Variants in DSG3 observed in about 807,000 individuals in gnomAD.
The protein encoded by DSG3 is desmoglein-3.
A neutral mutation model predicts 85.9 loss-of-function variants in DSG3; 63 were observed. The ratio of observed to expected loss-of-function variants is 0.73; its 90% CI spans 0.60 to 0.90. DSG3 has a LOEUF of 0.90. Among genes scored for constraint, DSG3 ranks in the 40% least tolerant of loss-of-function variants. The probability of loss-of-function intolerance (pLI) is 0.00; values close to 1 mark genes in which losing one functional copy is unlikely to be tolerated. For missense variants in DSG3, 1,220 were observed against 1,219.9 expected (o/e 1.00, Z 0.00); for synonymous variants, 447 against 441.9 (o/e 1.01, Z -0.14).
chr18:31,456,066 G>T (rs2072740118), intron 1 of DSG3, among the ~76,000 whole-genome samples: 1 of 152,176 alleles, frequency 6.6e-6, no homozygotes, highest in Non-Finnish European at 1.5e-5. Flanking sequence ...TCACAATGGT[G>T]CTTACCAATG....
intron 1 of DSG3, among the ~76,000 whole-genome samples, chr18:31,452,517 CAAAAA>C (rs35886860): frequency 5.6e-4 from 29 of 51,834 alleles, no homozygotes; most frequent in African/African-American, 1.5e-3. Flanking sequence ...GACTCCGTCT[CAAAAA>C]AAAAAAAAAA....
chr18:31,458,546 T>C lies in DSG3; in HGVS notation c.318T>C (p.Thr106=), dbSNP rs755023850. The C allele has an allele frequency of 6.2e-7, 1 of 1,614,040 alleles. No homozygotes were observed. Among genetic ancestry groups the C allele is most frequent in the East Asian group, 2.2e-5 (1 of 44,880 alleles). ...GAATCTTTGTTGTTGACAAAAACACTGGAGATATTAACATAACAGCTATAG... is the reference window on the plus strand; with the variant it reads ...GAATCTTTGTTGTTGACAAAAACACCGGAGATATTAACATAACAGCTATAG... ...PFGIFVVDKN[T]GDINITAIVD... Residue 106 remains threonine, a synonymous_variant, in exon 4 of 16, where the codon ACT becomes ACC. Transcript: ENST00000257189.
chr18:31,460,590 C>T (rs887287589), intron 6 of DSG3, among the ~76,000 whole-genome samples: 2 of 152,114 alleles, frequency 1.3e-5, no homozygotes, highest in African/African-American at 2.4e-5. Flanking sequence ...TTATTACTCC[C>T]ACCCTACTCA....
At chr18:31,471,136 G>C (rs1470731051) in intron 12 of DSG3, among the ~76,000 whole-genome samples, 2 of 152,154 alleles carry the variant, frequency 1.3e-5, no homozygotes, top group Non-Finnish European at 2.9e-5. Flanking sequence ...GTCAGATTTC[G>C]AGCTGTGACA....
At position 31,461,336 on chromosome 18, in the gene DSG3, C is replaced by A; in HGVS notation, c.923C>A (p.Thr308Asn). 1 of 1,613,494 alleles carries A rather than the reference C, an allele frequency of 6.2e-7. No homozygotes were observed. Among genetic ancestry groups the A allele is most frequent in the Non-Finnish European group, 8.5e-7 (1 of 1,179,710 alleles). ...AATTGGCTTGCAGTATATTTCTTTA[C>A]CTCTGGGAATGAAGGAAATTGGTTT... ...TDNWLAVYFF[T>N]SGNEGNWFEI... is the part of the protein sequence containing the mutation. Residue 308 changes from threonine to asparagine, a missense_variant, in exon 8 of 16, where the codon ACC becomes AAC. By Grantham distance (65) the Thr-to-Asn change is moderately conservative. Transcript: ENST00000257189.
At chr18:31,456,505 A>G in intron 2 of DSG3, 30 bp downstream of exon 2, 1 of 1,252,446 alleles carries the variant, frequency 8.0e-7, no homozygotes, top group Middle Eastern at 2.1e-4. Context: ...TTTGTACTTA[A>G]AATAATAGTT....
intron 14 of DSG3, 36 bp from the exon 15 acceptor site, chr18:31,474,085 C>A: frequency 6.3e-7 from 1 of 1,586,524 alleles, no homozygotes; most frequent in Non-Finnish European, 8.6e-7. Context: ...CAAACAACAG[C>A]ATAAGATATT....
Position 31,447,745 on chromosome 18 carries a change from C to T in DSG3, c.-133C>T. The T allele has an allele frequency of 1.7e-6, 1 of 605,776 alleles. No homozygotes were observed. The highest frequency in any genetic ancestry group is 3.3e-5 in the East Asian group (1 of 30,690). The allele number at this position is 605,776 out of a possible 1,614,324, so 37.5% of individuals were successfully genotyped here. Reference sequence around the variant, plus strand: ...TTTAGGGTGGGGAGGGACCGCATAACAGACCATCTGTAGACTCCTTCGGAA... The same window carrying T: ...TTTAGGGTGGGGAGGGACCGCATAATAGACCATCTGTAGACTCCTTCGGAA... On this transcript the variant is annotated 5_prime_UTR_variant, in exon 1 of 16. Coordinates refer to ENST00000257189, the MANE Select transcript of DSG3 (RefSeq NM_001944.3).
intron 4 of DSG3, 33 bp downstream of exon 4, chr18:31,458,633 TCTC>T: frequency 3.1e-6 from 5 of 1,597,368 alleles, no homozygotes; most frequent in Non-Finnish European, 4.3e-6. Flanking sequence ...GGGCTACCCT[TCTC>T]CTTGTATACC....
chr18:31,459,364 T>A (rs2072769437), intron 5 of DSG3, among the ~76,000 whole-genome samples, 187 bp downstream of exon 5: 1 of 152,248 alleles, frequency 6.6e-6, no homozygotes, highest in South Asian at 2.1e-4. Flanking sequence ...TTATTTACTA[T>A]CACTGTATTT....
At chr18:31,464,957 A>G (rs1483402234) in intron 9 of DSG3, among the ~76,000 whole-genome samples, 1 of 151,376 alleles carries the variant, frequency 6.6e-6, no homozygotes, top group Non-Finnish European at 1.5e-5. Flanking sequence ...ACCAACATGA[A>G]GAAACCCCAT....
At chr18:31,459,298 T>C (rs547509577) in intron 5 of DSG3, 121 bp downstream of exon 5, 8 of 955,284 alleles carry the variant, frequency 8.4e-6, no homozygotes, top group South Asian at 1.8e-5. Flanking sequence ...TTTTGAAAAA[T>C]AAAATTCATT....
chr18:31,451,703 T>C (rs1315410882), intron 1 of DSG3, among the ~76,000 whole-genome samples: 3 of 152,218 alleles, frequency 2.0e-5, no homozygotes, highest in Admixed American at 2.0e-4. Flanking sequence ...CCTTGCCAAA[T>C]GGTTCTTCCA....
chr18:31,470,131 G>T (rs1322292726), intron 12 of DSG3, among the ~76,000 whole-genome samples: 1 of 152,042 alleles, frequency 6.6e-6, no homozygotes, highest in Admixed American at 6.6e-5. Context: ...ATTGTAAGAG[G>T]TCTCTATTTA....
chr18:31,467,209 C>T (rs1482492490), intron 11 of DSG3, among the ~76,000 whole-genome samples: 4 of 152,042 alleles, frequency 2.6e-5, no homozygotes, highest in Admixed American at 6.5e-5. Flanking sequence ...GGTGTGCTGG[C>T]GCATGCCTGT....
chr18:31,453,664 C>T (rs541565852), intron 1 of DSG3, among the ~76,000 whole-genome samples: 5 of 152,074 alleles, frequency 3.3e-5, no homozygotes, highest in East Asian at 1.9e-4. Flanking sequence ...AAGGCTATAT[C>T]AATGCTTTAA....
At chr18:31,460,086 T>C in intron 6 of DSG3, 75 bp downstream of exon 6, 7 of 1,453,020 alleles carry the variant, frequency 4.8e-6, no homozygotes, top group Non-Finnish European at 6.5e-6. Flanking sequence ...GGTGACTCCA[T>C]TTTACCCGAA....
intron 2 of DSG3, among the ~76,000 whole-genome samples, chr18:31,456,727 G>A (rs1238024105): frequency 1.3e-5 from 2 of 151,986 alleles, no homozygotes; most frequent in African/African-American, 4.8e-5. Flanking sequence ...CAAACCCTAT[G>A]GGCCCAGTAA....
chr18:31,469,361 A>C lies in DSG3; in HGVS notation c.1897+12A>C. On this transcript the variant is annotated intron_variant, in intron 12 of 15. Transcript: ENST00000257189. ...CCTGCTGCTGCTGTGTGAGTAGCCA[A>C]TGTTTCATTCTCTGTTGGACCAGGT... 6.2e-7 allele frequency: 1 copy of C among 1,611,992 alleles called. No individual in the cohort carries two copies. The highest frequency in any genetic ancestry group is 1.1e-5 in the South Asian group (1 of 90,972).
Sources: allele counts gnomAD v4.1 joint callset (sites outside exome capture counted in the v4.1 genomes callset), GRCh38; gene constraint gnomAD v4.1.1; transcripts MANE v1.5; gene names NCBI Gene and HGNC (gene_info 2026-07-23, HGNC 2026-07-21).